The following MED13L variants were observed in gnomAD, a reference collection of about 807,000 sequenced individuals.
The protein encoded by MED13L is mediator complex subunit 13L.
A neutral mutation model predicts 220.9 loss-of-function variants in MED13L; 7 were observed. That is an observed-to-expected ratio of 0.03 (90% CI 0.02 to 0.06). MED13L has a LOEUF of 0.06. MED13L is among the 10% of genes least tolerant of loss of function. The pLI, the probability that MED13L is intolerant of heterozygous loss-of-function variation, is 1.00. For missense variants in MED13L, 1,965 were observed against 2,760.5 expected, an observed-to-expected ratio of 0.71 and a Z score of 6.46; for synonymous variants, 1,011 against 1,015.2, an observed-to-expected ratio of 1.00 and a Z score of 0.08.
chr12:116,034,080 C>T (rs1202151314), intron 4 of MED13L, among the ~76,000 whole-genome samples: 2 of 151,968 alleles, frequency 1.3e-5, no homozygotes, highest in African/African-American at 2.4e-5. Context: ...CATCTAACCC[C>T]TATTTATATT....
intron 4 of MED13L, among the ~76,000 whole-genome samples, chr12:116,037,627 T>C (rs1397017413): frequency 1.3e-5 from 2 of 152,164 alleles, no homozygotes; most frequent in African/African-American, 4.8e-5. Context: ...GGCAGTAAGT[T>C]TGACACTTGG....
At chr12:116,086,123 A>T (rs1359182172) in intron 4 of MED13L, among the ~76,000 whole-genome samples, 1 of 152,214 alleles carries the variant, frequency 6.6e-6, no homozygotes, top group Non-Finnish European at 1.5e-5. Context: ...TAGTCTAACC[A>T]AAGTATATAC....
intron 4 of MED13L, among the ~76,000 whole-genome samples, chr12:116,024,813 AT>A (rs1880293757): frequency 7.0e-6 from 1 of 142,894 alleles, no homozygotes; most frequent in Non-Finnish European, 1.5e-5. Context: ...AAATTGAGAA[AT>A]AGGGGTCTAG....
chr12:116,177,359 C>T (rs1880153149), intron 2 of MED13L, among the ~76,000 whole-genome samples: 1 of 152,164 alleles, frequency 6.6e-6, no homozygotes, highest in African/African-American at 2.4e-5. Flanking sequence ...ACCATCACAG[C>T]AATTCAAAAT....
intron 2 of MED13L, among the ~76,000 whole-genome samples, chr12:116,115,607 C>A (rs1466307877): frequency 4.6e-5 from 7 of 151,432 alleles, no homozygotes; most frequent in Non-Finnish European, 1.5e-5. Flanking sequence ...AATCACATAT[C>A]TGACAAGGAC....
chr12:116,012,048 CA>C (rs1271539845), intron 9 of MED13L, among the ~76,000 whole-genome samples: 1 of 152,146 alleles, frequency 6.6e-6, no homozygotes, highest in African/African-American at 2.4e-5. Context: ...TGAACAGTAT[CA>C]AATTTGAAAG....
At chr12:116,122,046 C>T (rs1356716424) in intron 2 of MED13L, among the ~76,000 whole-genome samples, 1 of 152,052 alleles carries the variant, frequency 6.6e-6, no homozygotes, top group African/African-American at 2.4e-5. Flanking sequence ...ATCATTTGCC[C>T]ACTGCCTTTG....
chr12:116,078,421 G>GA (rs1870987041), intron 4 of MED13L, among the ~76,000 whole-genome samples: 2 of 151,982 alleles, frequency 1.3e-5, no homozygotes, highest in Admixed American at 1.3e-4. Context: ...ATAAATAACT[G>GA]AAAAAATAGT....
chr12:116,208,294 G>A (rs1380701772), intron 2 of MED13L, among the ~76,000 whole-genome samples: 15 of 152,238 alleles, frequency 9.9e-5, no homozygotes. Flanking sequence ...CTACTCTGGA[G>A]GCTGCGCAGG....
chr12:116,208,260 G>GGT (rs1882477690), intron 2 of MED13L, among the ~76,000 whole-genome samples: 1 of 152,182 alleles, frequency 6.6e-6, no homozygotes, highest in Non-Finnish European at 1.5e-5. Context: ...AGCCAGGTAT[G>GGT]GTGGTGGGCG....
chr12:116,050,569 T>C (rs541980405), intron 4 of MED13L, among the ~76,000 whole-genome samples: 1 of 152,010 alleles, frequency 6.6e-6, no homozygotes, highest in African/African-American at 2.4e-5. Context: ...TGGTAATTCT[T>C]TTTTTTTAAT....
intron 1 of MED13L, among the ~76,000 whole-genome samples, chr12:116,261,850 T>C (rs923069367): frequency 1.3e-5 from 2 of 152,206 alleles, no homozygotes; most frequent in African/African-American, 4.8e-5. Flanking sequence ...CACGATCTAT[T>C]TCCTTCTCTC....
intron 2 of MED13L, among the ~76,000 whole-genome samples, chr12:116,173,934 T>C (rs901533504): frequency 6.6e-6 from 1 of 152,008 alleles, no homozygotes; most frequent in African/African-American, 2.4e-5. Context: ...TGCCCATCCC[T>C]ACAAAAAAGT....
At chr12:116,012,949 CCCTGGGGAGA>C in intron 8 of MED13L, 48 bp from the exon 9 acceptor site, 1 of 1,333,662 alleles carries the variant, frequency 7.5e-7, no homozygotes, top group Non-Finnish European at 1.1e-6. Flanking sequence ...ATACCCATAC[CCCTGGGGAGA>C]AAAATGTTCA....
At chr12:116,120,519 ACAGAGT>A (rs1162341978) in intron 2 of MED13L, among the ~76,000 whole-genome samples, 5 of 150,454 alleles carry the variant, frequency 3.3e-5, no homozygotes, top group Admixed American at 2.0e-4. Flanking sequence ...ACACACACAC[ACAGAGT>A]AAGATTTTCT....
At chr12:116,090,793 C>T (rs910285551) in intron 4 of MED13L, among the ~76,000 whole-genome samples, 7 of 152,100 alleles carry the variant, frequency 4.6e-5, no homozygotes, top group African/African-American at 1.7e-4. Flanking sequence ...AAAGGAATTA[C>T]AATAATGGTA....
In MED13L at chr12:115,996,410, A is replaced by T. The variant is rs922631872; in HGVS notation, c.2996+66T>A. ...CCCGGACCTTGTCATCATTTTTAAC[A>T]AACATTTAGTTAAGATAAAAATTGC... On this transcript the variant is annotated intron_variant, in intron 16 of 30. Transcript: ENST00000281928. The T allele has an allele frequency of 1.9e-6, 3 of 1,549,724 alleles. No individual in the cohort carries two copies. In the East Asian group the frequency reaches 6.7e-5, roughly 35 times the overall value.
intron 3 of MED13L, among the ~76,000 whole-genome samples, chr12:116,106,426 T>G (rs1873580144): frequency 6.7e-6 from 1 of 149,698 alleles, no homozygotes; most frequent in Admixed American, 6.6e-5. Flanking sequence ...AACGAAGAAA[T>G]GAAAGTTAGA....
intron 4 of MED13L, among the ~76,000 whole-genome samples, chr12:116,061,350 A>G (rs987386487): frequency 1.3e-5 from 2 of 152,184 alleles, no homozygotes; most frequent in Admixed American, 6.5e-5. Flanking sequence ...TAAGGTATAC[A>G]ATAAATTCTC....
Sources: gnomAD v4.1 joint callset for allele counts (sites outside exome capture counted in the v4.1 genomes callset) on GRCh38, gnomAD v4.1.1 for gene constraint, MANE v1.5 for transcripts, NCBI Gene and HGNC (gene_info 2026-07-23, HGNC 2026-07-21) for gene names.